The following SCAND3 variants were observed in gnomAD, a reference collection of about 807,000 sequenced individuals.
SCAND3 encodes SCAN domain containing 3.
chr6:28,575,401 T>G, the SCAND3 span: 5 of 1,613,918 alleles, frequency 3.1e-6, no homozygotes, highest in African/African-American at 1.3e-5. The surrounding 1 kb of genome is among the most constrained non-coding windows in gnomAD (Gnocchi z 4.2). Flanking sequence ...ATTGTCAGAT[T>G]GTAGGACACT....
chr6:28,581,810 C>G, the SCAND3 span, among the ~76,000 whole-genome samples: 2 of 152,146 alleles, frequency 1.3e-5, no homozygotes, highest in Non-Finnish European at 2.9e-5. Flanking sequence ...AACAAGGAAG[C>G]CTGGAAAAGA....
the SCAND3 span, among the ~76,000 whole-genome samples, chr6:28,598,839 T>G: frequency 7.5e-6 from 1 of 133,278 alleles, no homozygotes; most frequent in Non-Finnish European, 1.5e-5. Context: ...ATCACACCAC[T>G]GCACTCCAGC....
At chr6:28,616,198 A>C in the SCAND3 span, 1 of 152,286 alleles carries the variant, frequency 6.6e-6, no homozygotes, top group African/African-American at 2.4e-5. The surrounding 1 kb of genome is among the most constrained non-coding windows in gnomAD (Gnocchi z 4.3). Flanking sequence ...CTCATCCGGG[A>C]CTGCGCTGAC....
the SCAND3 span, among the ~76,000 whole-genome samples, chr6:28,577,173 T>C: frequency 6.6e-6 from 1 of 152,098 alleles, no homozygotes; most frequent in African/African-American, 2.4e-5. Flanking sequence ...ATAAAGCTTA[T>C]TAAAAGAAAT....
At chr6:28,612,929 G>A in the SCAND3 span, among the ~76,000 whole-genome samples, 1 of 152,096 alleles carries the variant, frequency 6.6e-6, no homozygotes, top group South Asian at 2.1e-4. Context: ...CTTTTCAGGA[G>A]ACAGTCTTTA....
At chr6:28,572,120 A>G in the SCAND3 span, 1 of 1,614,080 alleles carries the variant, frequency 6.2e-7, no homozygotes, top group East Asian at 2.2e-5. The surrounding 1 kb of genome is among the most constrained non-coding windows in gnomAD (Gnocchi z 4.1). Context: ...AGCTCAGGAT[A>G]GTCATTTTTA....
At chr6:28,573,301 T>C in the SCAND3 span, 1 of 1,614,132 alleles carries the variant, frequency 6.2e-7, no homozygotes, top group Non-Finnish European at 8.5e-7. Flanking sequence ...CTGAGCTACC[T>C]TCTTTGCTGC....
At chr6:28,589,426 C>T in the SCAND3 span, 3 of 152,088 alleles carry the variant, frequency 2.0e-5, no homozygotes, top group African/African-American at 7.2e-5. Context: ...ATCCAGCAAT[C>T]CGAGTTCGAA....
chr6:28,599,554 T>C, the SCAND3 span, among the ~76,000 whole-genome samples: 8 of 152,204 alleles, frequency 5.3e-5, no homozygotes, highest in Non-Finnish European at 1.0e-4. Flanking sequence ...GTTCTCATGA[T>C]AGTGAATAAG....
At chr6:28,589,856 G>GTTTTTTTTTTTTTTTTTTT in the SCAND3 span, 2 of 116,544 alleles carry the variant, frequency 1.7e-5, no homozygotes, top group Non-Finnish European at 3.6e-5. Flanking sequence ...TTTTTTGTTT[G>GTTTTTTTTTTTTTTTTTTT]TTTTTTTTTT....
chr6:28,599,428 G>A, the SCAND3 span, among the ~76,000 whole-genome samples: 1 of 152,196 alleles, frequency 6.6e-6, no homozygotes, highest in Non-Finnish European at 1.5e-5. Context: ...ACAGTGTGGT[G>A]GTGGTGTGAT....
the SCAND3 span, among the ~76,000 whole-genome samples, chr6:28,598,894 AG>A: frequency 7.4e-5 from 11 of 147,928 alleles, no homozygotes; most frequent in South Asian, 2.1e-4. Context: ...AAAAAAAAAA[AG>A]AAAAAAGAAA....
At chr6:28,614,228 T>C in the SCAND3 span, among the ~76,000 whole-genome samples, 1 of 152,156 alleles carries the variant, frequency 6.6e-6, no homozygotes, top group Non-Finnish European at 1.5e-5. Flanking sequence ...CCTCCCAAAG[T>C]GCTGGGATTA....
At chr6:28,584,492 T>C in the SCAND3 span, among the ~76,000 whole-genome samples, 3 of 152,300 alleles carry the variant, frequency 2.0e-5, no homozygotes, top group South Asian at 4.1e-4. Context: ...TTAAAGCTTA[T>C]AGATTGGCAG....
chr6:28,613,776 A>G, the SCAND3 span, among the ~76,000 whole-genome samples: 1 of 152,104 alleles, frequency 6.6e-6, no homozygotes, highest in Non-Finnish European at 1.5e-5. Context: ...TTTATTATAA[A>G]CTTTATACAC....
the SCAND3 span, among the ~76,000 whole-genome samples, chr6:28,583,239 C>T: frequency 1.5e-4 from 23 of 151,324 alleles, no homozygotes; most frequent in African/African-American, 2.7e-4. Context: ...AAAAATTAGC[C>T]GGGCGTGGTG....
chr6:28,594,996 A>G, the SCAND3 span, among the ~76,000 whole-genome samples: 1 of 151,950 alleles, frequency 6.6e-6, no homozygotes, highest in South Asian at 2.1e-4. Context: ...TATCGACAAT[A>G]ATTTAAAAAG....
chr6:28,596,618 A>T, the SCAND3 span, among the ~76,000 whole-genome samples: 1 of 150,376 alleles, frequency 6.6e-6, no homozygotes, highest in Non-Finnish European at 1.5e-5. Context: ...ATAAAATAAA[A>T]AATATATATT....
the SCAND3 span, chr6:28,572,139 C>T: frequency 6.2e-7 from 1 of 1,613,828 alleles, no homozygotes; most frequent in East Asian, 2.2e-5. The surrounding 1 kb of genome is among the most constrained non-coding windows in gnomAD (Gnocchi z 4.1). Flanking sequence ...TAGCTTTTAT[C>T]CAAAATGAAG....
Sources: gnomAD v4.1 joint callset for allele counts (sites outside exome capture counted in the v4.1 genomes callset) on GRCh38, gnomAD v4.1.1 for gene constraint, Gnocchi (gnomAD v3.1) non-coding constraint, MANE v1.5 for transcripts, NCBI Gene and HGNC (gene_info 2026-07-23, HGNC 2026-07-21) for gene names.